RNF123: variants seen among roughly 807,000 people sequenced by gnomAD.
RNF123 encodes E3 ubiquitin-protein ligase RNF123.
RNF123 carries 86 observed loss-of-function variants against 168.5 expected under a neutral mutation model. The observed-to-expected ratio is 0.51, with a 90% CI of 0.43 to 0.61. RNF123 has a LOEUF of 0.61. Among genes scored for constraint, RNF123 ranks in the 20% least tolerant of loss-of-function variants. The pLI is 0.00. For missense variants in RNF123, 1,419 were observed against 1,729.7 expected (o/e 0.82, Z 3.19); for synonymous variants, 666 against 689.1 (o/e 0.97, Z 0.52).
At chr3:49,692,458 C>T (rs2054186632) in intron 3 of RNF123, among the ~76,000 whole-genome samples, 2 of 152,154 alleles carry the variant, frequency 1.3e-5, no homozygotes, top group South Asian at 4.1e-4. Flanking sequence ...GTATCCATCC[C>T]CTCAAGCATT....
chr3:49,706,559 A>G (rs1248842770), intron 25 of RNF123, among the ~76,000 whole-genome samples: 2 of 152,232 alleles, frequency 1.3e-5, no homozygotes, highest in Non-Finnish European at 2.9e-5. Flanking sequence ...AGCGGCTCAC[A>G]GACCCCCAGC....
intron 3 of RNF123, among the ~76,000 whole-genome samples, chr3:49,694,774 A>G (rs2054234697): frequency 6.8e-6 from 1 of 147,748 alleles, no homozygotes; most frequent in Middle Eastern, 3.5e-3. Flanking sequence ...GTTCCTGCCC[A>G]CCCCCACCCC....
chr3:49,690,528 T>C (rs2054128848), intron 1 of RNF123, among the ~76,000 whole-genome samples: 1 of 152,182 alleles, frequency 6.6e-6, no homozygotes, highest in South Asian at 2.1e-4. Flanking sequence ...CCATGAGGGC[T>C]GGGCAAGGGT....
rs772515271 is a variant in RNF123 at position 49,704,985 on chromosome 3, G to A, written c.1961G>A (p.Arg654His). 6.2e-6 allele frequency: 10 copies of A among 1,602,318 alleles called. No individual in the cohort carries two copies. Among genetic ancestry groups the A allele is most frequent in the African/African-American group, 5.4e-5 (4 of 74,718 alleles). ...CCTGGCCGCCTTTCTTCACTGCAGC[G>A]CCCCATGCAGGCCCTGGCTGTTGGG... ...DEEPAPAMAQRPMQALAVGGP... is the reference protein window; with the variant it reads ...DEEPAPAMAQHPMQALAVGGP... The change falls in exon 23 of 39, where the codon CGC (arginine) becomes CAC (histidine). Residue 654 changes from arginine (R) to histidine (H), a missense_variant and splice_region_variant. Arg to His is a conservative substitution (Grantham distance 29, BLOSUM62 0). This residue lies in a region of RNF123 where 538 missense variants were observed against 708.8 expected (regional missense o/e 0.76). Coordinates refer to ENST00000327697, the MANE Select transcript of RNF123 (RefSeq NM_022064.5).
intron 3 of RNF123, among the ~76,000 whole-genome samples, chr3:49,696,653 T>C (rs2108177662): frequency 6.7e-6 from 1 of 148,598 alleles, no homozygotes; most frequent in South Asian, 2.2e-4. Flanking sequence ...TTTTTTTTTT[T>C]TTTTTTTTGA....
In RNF123 at chr3:49,718,653, C is replaced by G. The variant is rs201479576; in HGVS notation, c.3501-1858C>G. The G allele has an allele frequency of 1.4e-5, 23 of 1,613,034 alleles. No individual in the cohort carries two copies. The highest frequency in any genetic ancestry group is 1.9e-5 in the Non-Finnish European group (22 of 1,179,962). ...CAAGAGCTGGGGCCGACGAGCAGTTCTCAAAGACGCGGCTGTGCTGGAAGA... is the reference window on the plus strand; with the variant it reads ...CAAGAGCTGGGGCCGACGAGCAGTTGTCAAAGACGCGGCTGTGCTGGAAGA... On this transcript the variant is annotated intron_variant, in intron 35 of 38. Coordinates refer to ENST00000327697, the MANE Select transcript of RNF123 (RefSeq NM_022064.5).
In RNF123 at chr3:49,705,155, A is replaced by G; in HGVS notation, c.2131A>G (p.Ser711Gly). The part of the protein sequence containing the change: ...TSEKVKVRTL[S>G]VEQRTREDIE... ...GGAGAAAGTGAAGGTCCGCACGCTG[A>G]GCGTGGAGCAGAGGACCCGTGAGGA... The change falls in exon 23 of 39, where the codon AGC (serine) becomes GGC (glycine). Residue 711 changes from serine to glycine, a missense_variant. Physicochemically the swap from Ser to Gly is moderately conservative, Grantham distance 56 (BLOSUM62 0). This residue lies in a region of RNF123 where 538 missense variants were observed against 708.8 expected (regional missense o/e 0.76). Transcript: ENST00000327697. The G allele has an allele frequency of 1.2e-6, 2 of 1,606,060 alleles. No individual in the cohort carries two copies. Among genetic ancestry groups the G allele is most frequent in the East Asian group, 2.2e-5 (1 of 44,510 alleles).
Position 49,720,527 on chromosome 3 carries a change from T to A in RNF123, c.3517T>A (p.Ser1173Thr). 1 of 1,599,596 alleles carries A rather than the reference T, an allele frequency of 6.3e-7. No individual in the cohort carries two copies. The highest frequency in any genetic ancestry group is 8.5e-7 in the Non-Finnish European group (1 of 1,171,668). ...GPASEREQATSVLLADPCFQL... is the reference protein window; with the variant it reads ...GPASEREQATTVLLADPCFQL... Reference sequence around the variant, plus strand: ...CCTACCTAGGAGAGAGCAAGCCACATCAGTGCTCCTGGCAGATCCCTGCTT... The same window carrying A: ...CCTACCTAGGAGAGAGCAAGCCACAACAGTGCTCCTGGCAGATCCCTGCTT... Residue 1173 changes from serine to threonine, a missense_variant, in exon 36 of 39, where the codon TCA (serine) becomes ACA (threonine). Transcript: ENST00000327697.
intron 20 of RNF123, 27 bp downstream of exon 20, chr3:49,702,780 G>A: frequency 6.2e-7 from 1 of 1,613,872 alleles, no homozygotes; most frequent in Middle Eastern, 1.6e-4. Flanking sequence ...TCCCAGGTCA[G>A]TGAGGCTGGA....
rs774210687 is a variant in RNF123 at position 49,699,632 on chromosome 3, G to A, written c.880-36G>A. On this transcript the variant is annotated intron_variant, in intron 11 of 38. Transcript: ENST00000327697. This position sits in a 1 kb window ranked among gnomAD's most constrained non-coding sequence, Gnocchi z 4.8. Reference sequence around the variant, plus strand: ...GGGTGGGGGGCTTCCACAGCCTCCTGCCCCTCACACTTCTCCCTCCTCCCC... The same window carrying A: ...GGGTGGGGGGCTTCCACAGCCTCCTACCCCTCACACTTCTCCCTCCTCCCC... 6.2e-7 allele frequency: 1 copy of A among 1,612,152 alleles called. No individual in the cohort carries two copies. The highest frequency in any genetic ancestry group is 8.5e-7 in the Non-Finnish European group (1 of 1,178,560).
At chr3:49,720,941 G>GCACT (rs2080391616) in intron 37 of RNF123, 47 bp downstream of exon 37, 1 of 1,610,110 alleles carries the variant, frequency 6.2e-7, no homozygotes, top group Non-Finnish European at 8.5e-7. Context: ...GAATATGTGT[G>GCACT]CACTCCTACA....
rs753894718 is a variant in RNF123 at position 49,721,385 on chromosome 3, C to CCCTT, written c.*82_*85dup. The CCCTT allele has an allele frequency of 5.7e-6, 9 of 1,576,882 alleles. No individual in the cohort carries two copies. Among genetic ancestry groups the CCCTT allele is most frequent in the South Asian group, 3.3e-5 (3 of 89,882 alleles). On this transcript the variant is annotated 3_prime_UTR_variant, in exon 39 of 39. Transcript: ENST00000327697. ...GGGCCCTATTTATGAGCTCCCTTTG[C>CCCTT]CCTTCTCCTGTATCCCACACCACCA... is the stretch of plus-strand genomic sequence containing the variant.
At chr3:49,719,722 A>AGGGGC (rs2080349740) in intron 35 of RNF123, 1 of 431,976 alleles carries the variant, frequency 2.3e-6, no homozygotes, top group Non-Finnish European at 4.3e-6. Flanking sequence ...TACTCCCCCC[A>AGGGGC]GGGGCGGGGC....
intron 3 of RNF123, among the ~76,000 whole-genome samples, chr3:49,694,490 A>T (rs1196375303): frequency 6.6e-6 from 1 of 152,194 alleles, no homozygotes; most frequent in Non-Finnish European, 1.5e-5. Context: ...GCTTTTGTAA[A>T]CAATGCTGTG....
chr3:49,704,740 C>T lies in RNF123; in HGVS notation c.1943C>T (p.Ala648Val), dbSNP rs2054478302. 1.3e-6 allele frequency: 2 copies of T among 1,583,304 alleles called. No homozygotes were observed. Among genetic ancestry groups the T allele is most frequent in the Non-Finnish European group, 1.7e-6 (2 of 1,164,360 alleles). Reference sequence around the variant, plus strand: ...GACCTAGATGAGGATGAGGAGCCAGCCCCAGCTATGGCCCAGGTGCCGCAG... The same window carrying T: ...GACCTAGATGAGGATGAGGAGCCAGTCCCAGCTATGGCCCAGGTGCCGCAG... ...MDDLDEDEEP[A>V]PAMAQRPMQA... is the part of the protein sequence containing the mutation. The change falls in exon 22 of 39, where the codon GCC (alanine) becomes GTC (valine). Residue 648 changes from alanine to valine, a missense_variant. Around this residue, in one of 5 missense-constraint regions of RNF123, gnomAD observed 538 missense variants for 708.8 expected, o/e 0.76. Transcript: ENST00000327697.
At chr3:49,700,851 A>G (rs1026087028) in intron 15 of RNF123, 142 bp downstream of exon 15, 28 of 870,342 alleles carry the variant, frequency 3.2e-5, no homozygotes, top group African/African-American at 5.0e-5. Flanking sequence ...CATTTTCTCT[A>G]CAGAGCAAGG....
intron 35 of RNF123, chr3:49,718,655 C>T (rs1559691153): frequency 6.2e-6 from 10 of 1,612,810 alleles, no homozygotes; most frequent in Admixed American, 1.7e-5. Context: ...GAGCAGTTCT[C>T]AAAGACGCGG....
At chr3:49,718,848 CAG>C (rs2080315226) in intron 35 of RNF123, 1 of 1,613,324 alleles carries the variant, frequency 6.2e-7, no homozygotes, top group African/African-American at 1.3e-5. Flanking sequence ...GGAAGGCCGG[CAG>C]CGCGGCCAGC....
At chr3:49,697,756 C>A in intron 5 of RNF123, 129 bp from the exon 6 acceptor site, 2 of 1,119,542 alleles carry the variant, frequency 1.8e-6, no homozygotes, top group Non-Finnish European at 2.7e-6. Context: ...CGTCCTCAGG[C>A]ACAGTGCAGT....
Sources: allele counts gnomAD v4.1 joint callset (sites outside exome capture counted in the v4.1 genomes callset), GRCh38; gene constraint gnomAD v4.1.1; regional missense constraint gnomAD v4.1.1; non-coding constraint Gnocchi (gnomAD v3.1); transcripts MANE v1.5; gene names NCBI Gene and HGNC (gene_info 2026-07-23, HGNC 2026-07-21).